The following ARHGAP12 variants were observed in gnomAD, a reference collection of about 807,000 sequenced individuals.
ARHGAP12 encodes the protein rho GTPase-activating protein 12.
ARHGAP12 carries 64 observed loss-of-function variants against 108.6 expected under a neutral mutation model. That is an observed-to-expected ratio of 0.59 (90% CI 0.48 to 0.73). ARHGAP12 has a LOEUF of 0.73. ARHGAP12 is among the 30% of genes least tolerant of loss of function. The pLI, the probability that ARHGAP12 is intolerant of heterozygous loss-of-function variation, is 0.00. For missense variants in ARHGAP12, 940 were observed against 1,005.9 expected, an observed-to-expected ratio of 0.93 and a Z score of 0.89; for synonymous variants, 312 against 337.2, an observed-to-expected ratio of 0.93 and a Z score of 0.82.
chr10:31,899,017 C>T (rs1838819460), intron 3 of ARHGAP12, among the ~76,000 whole-genome samples: 1 of 152,150 alleles, frequency 6.6e-6, no homozygotes, highest in Non-Finnish European at 1.5e-5. Flanking sequence ...ACATGCTACA[C>T]ACAACATGGC....
At chr10:31,877,921 G>A (rs1255380699) in intron 3 of ARHGAP12, among the ~76,000 whole-genome samples, 1 of 152,040 alleles carries the variant, frequency 6.6e-6, no homozygotes, top group Non-Finnish European at 1.5e-5. Context: ...GAGAAACCCT[G>A]TCTCTACAAA....
intron 1 of ARHGAP12, among the ~76,000 whole-genome samples, chr10:31,915,111 G>A (rs1277354191): frequency 6.9e-6 from 1 of 145,836 alleles, no homozygotes; most frequent in Non-Finnish European, 1.5e-5. Flanking sequence ...CTGAGGCCAG[G>A]CGCAGTGGCT....
intron 6 of ARHGAP12, among the ~76,000 whole-genome samples, chr10:31,843,840 CTAAGTTT>C (rs1836354977): frequency 6.6e-6 from 1 of 152,100 alleles, no homozygotes; most frequent in Non-Finnish European, 1.5e-5. Flanking sequence ...CTCCCTCAGT[CTAAGTTT>C]TGTCAACTGT....
chr10:31,914,708 T>C (rs1839484727), intron 1 of ARHGAP12, among the ~76,000 whole-genome samples: 1 of 152,156 alleles, frequency 6.6e-6, no homozygotes, highest in African/African-American at 2.4e-5. Flanking sequence ...AAATTAGTAT[T>C]GCCATAATGG....
intron 1 of ARHGAP12, among the ~76,000 whole-genome samples, chr10:31,923,625 A>G (rs11813281): frequency 4.1e-4 from 62 of 152,372 alleles, no homozygotes; most frequent in African/African-American, 1.3e-3. Flanking sequence ...TGATACACAC[A>G]GCAAACTGGG....
At chr10:31,903,108 A>T (rs12254329) in intron 3 of ARHGAP12, among the ~76,000 whole-genome samples, 7,826 of 152,232 alleles carry the variant, frequency 0.051, 665 homozygotes, top group African/African-American at 0.18. Flanking sequence ...AACAACGGGG[A>T]TATTTTCTGA....
chr10:31,865,092 G>A (rs927866154), intron 3 of ARHGAP12, among the ~76,000 whole-genome samples: 1 of 152,210 alleles, frequency 6.6e-6, no homozygotes, highest in African/African-American at 2.4e-5. Context: ...GGAGCAGCAA[G>A]TGAAAGGCCT....
chr10:31,808,589 A>G, intron 19 of ARHGAP12, 60 bp downstream of exon 19: 1 of 1,491,892 alleles, frequency 6.7e-7, no homozygotes, highest in Non-Finnish European at 9.3e-7. Flanking sequence ...CCCTGGCCCC[A>G]CAGGCCTTCC....
chr10:31,842,453 C>G (rs1374934469), intron 7 of ARHGAP12, among the ~76,000 whole-genome samples: 2 of 152,040 alleles, frequency 1.3e-5, no homozygotes, highest in African/African-American at 4.8e-5. Context: ...TCCTTACAAA[C>G]TAGAAACTAG....
At position 31,881,553 on chromosome 10, in the gene ARHGAP12, A is replaced by G. The variant is rs565959810; in HGVS notation, c.685-19895T>C. 2.0e-5 allele frequency among the ~76,000 whole-genome samples: 3 copies of G among 152,330 alleles called. No individual in the cohort carries two copies. In the South Asian group the frequency reaches 6.2e-4, roughly 32 times the overall value. ...TTCCTTTAGCAACAACAGAAACAAT[A>G]AACTGTTAAGATTTATTAAGCATTT... is the stretch of plus-strand genomic sequence containing the variant. On this transcript the variant is annotated intron_variant, in intron 3 of 19. Transcript: ENST00000344936.
chr10:31,855,508 A>G (rs1051387221), intron 4 of ARHGAP12, among the ~76,000 whole-genome samples: 1 of 152,230 alleles, frequency 6.6e-6, no homozygotes, highest in Admixed American at 6.5e-5. Context: ...CCTAATATTA[A>G]TATGTTCACA....
At chr10:31,839,782 G>C in intron 7 of ARHGAP12, 71 bp from the exon 8 acceptor site, 2 of 1,259,264 alleles carry the variant, frequency 1.6e-6, no homozygotes, top group Non-Finnish European at 2.2e-6. Context: ...ACTCACAGTG[G>C]GAGAGCTTAG....
At chr10:31,900,013 A>C (rs1838854729) in intron 3 of ARHGAP12, among the ~76,000 whole-genome samples, 1 of 152,220 alleles carries the variant, frequency 6.6e-6, no homozygotes. Context: ...GGAACTCTTA[A>C]AACTCATCAA....
At chr10:31,916,984 C>T (rs1839584609) in intron 1 of ARHGAP12, among the ~76,000 whole-genome samples, 1 of 152,146 alleles carries the variant, frequency 6.6e-6, no homozygotes, top group Non-Finnish European at 1.5e-5. Context: ...ACCTATTTAG[C>T]AATGCTAATA....
chr10:31,911,525 G>A (rs183672792), intron 1 of ARHGAP12, among the ~76,000 whole-genome samples: 22 of 152,194 alleles, frequency 1.4e-4, no homozygotes, highest in African/African-American at 4.8e-4. Flanking sequence ...TGTTGCCCAG[G>A]TTGGTCTTAA....
At chr10:31,896,147 G>A (rs1564419123) in intron 3 of ARHGAP12, among the ~76,000 whole-genome samples, 1 of 151,974 alleles carries the variant, frequency 6.6e-6, no homozygotes, top group Non-Finnish European at 1.5e-5. Context: ...TAAATGACGA[G>A]TTAATGGGTG....
chr10:31,849,926 A>C (rs964073713), intron 6 of ARHGAP12, among the ~76,000 whole-genome samples: 20 of 152,200 alleles, frequency 1.3e-4, no homozygotes, highest in African/African-American at 4.8e-4. Flanking sequence ...CTTCTGACCA[A>C]GGAAATTATA....
chr10:31,810,826 A>G, intron 15 of ARHGAP12, 79 bp from the exon 16 acceptor site: 1 of 1,061,186 alleles, frequency 9.4e-7, no homozygotes, highest in South Asian at 1.3e-5. Context: ...TCAGAGTGCA[A>G]CAGAAACATC....
intron 3 of ARHGAP12, among the ~76,000 whole-genome samples, chr10:31,896,651 G>T (rs1433323144): frequency 2.0e-5 from 3 of 152,110 alleles, no homozygotes; most frequent in Non-Finnish European, 4.4e-5. Context: ...AAAGTATATG[G>T]TTCTTAATAA....
Sources: allele counts gnomAD v4.1 joint callset (sites outside exome capture counted in the v4.1 genomes callset), GRCh38; gene constraint gnomAD v4.1.1; transcripts MANE v1.5; gene names NCBI Gene and HGNC (gene_info 2026-07-23, HGNC 2026-07-21).